RBM33: variants seen among roughly 807,000 people sequenced by gnomAD.
The protein encoded by RBM33 is RNA binding motif protein 33, also known as RNA-binding protein 33.
Under a neutral mutation model 132.6 loss-of-function variants are expected in RBM33, and 28 were observed. The ratio of observed to expected loss-of-function variants is 0.21; its 90% confidence interval spans 0.16 to 0.29. The LOEUF (loss-of-function observed/expected upper bound fraction) is 0.29, where lower values mean the gene tolerates loss of function less well. RBM33 is among the 10% of genes least tolerant of loss of function. The pLI, the probability that RBM33 is intolerant of heterozygous loss-of-function variation, is 1.00. For missense variants in RBM33, 1,291 were observed against 1,518.5 expected (o/e 0.85, Z 2.49); for synonymous variants, 634 against 593.0 (o/e 1.07, Z -1.01).
At chr7:155,690,837 G>A (rs986528771) in intron 5 of RBM33, among the ~76,000 whole-genome samples, 3 of 152,130 alleles carry the variant, frequency 2.0e-5, no homozygotes, top group South Asian at 2.1e-4. Flanking sequence ...TGAGATATCC[G>A]CTGTTAGTCT....
intron 2 of RBM33, 22 bp downstream of exon 2, chr7:155,665,275 C>T (rs1441551150): frequency 6.2e-7 from 1 of 1,603,778 alleles, no homozygotes; most frequent in East Asian, 2.2e-5. Flanking sequence ...CTGTGCTTCA[C>T]CTAACTGCCT....
intron 14 of RBM33, among the ~76,000 whole-genome samples, chr7:155,748,091 G>A (rs1801576024): frequency 6.6e-6 from 1 of 152,208 alleles, no homozygotes; most frequent in African/African-American, 2.4e-5. Context: ...AGCAGACCTT[G>A]GCTGACAGGA....
intron 16 of RBM33, among the ~76,000 whole-genome samples, chr7:155,773,796 A>G (rs1802517571): frequency 6.6e-6 from 1 of 152,110 alleles, no homozygotes; most frequent in Non-Finnish European, 1.5e-5. Context: ...GAAAGCAGAA[A>G]GCAGCTCCCC....
intron 2 of RBM33, among the ~76,000 whole-genome samples, chr7:155,670,615 C>T (rs1022409402): frequency 6.6e-6 from 1 of 152,194 alleles, no homozygotes; most frequent in African/African-American, 2.4e-5. Context: ...TCTGTTTTCA[C>T]ATTTTGAAAA....
At chr7:155,683,207 G>A (rs1449755081) in intron 5 of RBM33, among the ~76,000 whole-genome samples, 4 of 152,118 alleles carry the variant, frequency 2.6e-5, no homozygotes, top group Non-Finnish European at 4.4e-5. Flanking sequence ...TGAAATGGCC[G>A]CTTCCTTGGA....
At chr7:155,738,012 C>T in intron 10 of RBM33, 48 bp from the exon 11 acceptor site, 1 of 1,501,538 alleles carries the variant, frequency 6.7e-7, no homozygotes, top group Non-Finnish European at 9.2e-7. Context: ...TTCTGAGAAG[C>T]ACATGGTCTT....
At chr7:155,760,974 C>T (rs907865936) in intron 14 of RBM33, among the ~76,000 whole-genome samples, 4 of 152,206 alleles carry the variant, frequency 2.6e-5, no homozygotes, top group African/African-American at 9.7e-5. Context: ...TAAGATCGCA[C>T]GTTTCAGGCG....
intron 14 of RBM33, among the ~76,000 whole-genome samples, chr7:155,748,907 G>T (rs1429134235): frequency 6.6e-6 from 1 of 152,170 alleles, no homozygotes; most frequent in Non-Finnish European, 1.5e-5. Context: ...CTTGAAAAGT[G>T]ACTATGCAGA....
At chr7:155,662,755 A>G (rs1287962728) in intron 1 of RBM33, among the ~76,000 whole-genome samples, 1 of 152,060 alleles carries the variant, frequency 6.6e-6, no homozygotes, top group Admixed American at 6.5e-5. Context: ...GGAAGAAAGG[A>G]GCCCACATGT....
chr7:155,702,971 G>A (rs1030920905), intron 6 of RBM33, among the ~76,000 whole-genome samples: 23 of 152,182 alleles, frequency 1.5e-4, no homozygotes, highest in African/African-American at 5.3e-4. Flanking sequence ...TGGGCTGGCT[G>A]TGGATTTCAT....
chr7:155,692,051 CAAA>C (rs1363312755), intron 5 of RBM33, among the ~76,000 whole-genome samples: 3 of 108,584 alleles, frequency 2.8e-5, no homozygotes, highest in Admixed American at 9.6e-5. Context: ...ACCCTCTGTC[CAAA>C]AAAAAAAAAA....
rs879575856 is a variant in RBM33, at chr7:155,735,719, GTCTCTCTCTCTC to G, written c.1261-1800_1261-1789del. On this transcript the variant is annotated intron_variant, in intron 9 of 17. Coordinates refer to ENST00000401878, the MANE Select transcript of RBM33 (RefSeq NM_053043.3). ...TCTCTCTCTCTCTCTCTCTCTCTCT[GTCTCTCTCTCTC>G]TCTCTCTCTCCCTCTCTCAGGAAAA... Among the ~76,000 whole-genome samples the G allele has an allele frequency of 5.9e-4, 46 of 77,382 alleles. No individual in the cohort carries two copies. In the East Asian group the frequency reaches 0.019, roughly 32 times the overall value. 50.8% of individuals were successfully genotyped at this position (77,382 alleles called of 152,430 possible).
chr7:155,778,718 C>T lies in RBM33; in HGVS notation c.*3677C>T, dbSNP rs909757686. 1.3e-5 allele frequency: 2 copies of T among 152,258 alleles called. No individual in the cohort carries two copies. The highest frequency in any genetic ancestry group is 2.9e-5 in the Non-Finnish European group (2 of 68,110). 9.4% of individuals were successfully genotyped at this position (152,258 alleles called of 1,614,324 possible). ...TGTCCTGGGATGGGTTTGAAGAACT[C>T]ATCACTCATCACTTGTTTTCTTTTG... On this transcript the variant is annotated 3_prime_UTR_variant, in exon 18 of 18. Transcript: ENST00000401878. This position sits in a 1 kb window ranked among gnomAD's most constrained non-coding sequence, Gnocchi z 4.0.
intron 14 of RBM33, among the ~76,000 whole-genome samples, chr7:155,747,476 G>T (rs1801555052): frequency 6.6e-6 from 1 of 152,172 alleles, no homozygotes; most frequent in Non-Finnish European, 1.5e-5. Flanking sequence ...TGGCAGGCTG[G>T]GAAGTGAAGG....
Position 155,680,904 on chromosome 7 carries a change from T to C in RBM33, c.563T>C (p.Phe188Ser). ...GAGATCAATGAACCTTTAGATGAAT[T>C]TACAGTGAGTCTTTTCTCCTTTGTA... ...DIEINEPLDEFTGGMETLELQ... is the reference protein window; with the variant it reads ...DIEINEPLDESTGGMETLELQ... Residue 188 changes from phenylalanine to serine, a missense_variant, in exon 5 of 18, where the codon TTT (phenylalanine) becomes TCT (serine). Phe to Ser is a radical substitution (Grantham distance 155, BLOSUM62 -2). Coordinates refer to ENST00000401878, the MANE Select transcript of RBM33 (RefSeq NM_053043.3). The C allele has an allele frequency of 6.2e-7, 1 of 1,611,684 alleles. No individual in the cohort carries two copies. Among genetic ancestry groups the C allele is most frequent in the Non-Finnish European group, 8.5e-7 (1 of 1,178,430 alleles).
chr7:155,761,105 G>A (rs1802022163), intron 14 of RBM33, among the ~76,000 whole-genome samples: 1 of 152,208 alleles, frequency 6.6e-6, no homozygotes, highest in South Asian at 2.1e-4. Flanking sequence ...TGTGTAGTGT[G>A]TTCCCTTGGT....
intron 2 of RBM33, 120 bp from the exon 3 acceptor site, chr7:155,672,747 A>G (rs1468259183): frequency 2.3e-3 from 83 of 35,736 alleles, no homozygotes; most frequent in African/African-American, 7.0e-3. Context: ...TTTGTCTCAA[A>G]AAAAAAAAAA....
intron 1 of RBM33, among the ~76,000 whole-genome samples, chr7:155,655,616 GT>G (rs954335818): frequency 2.6e-4 from 37 of 142,656 alleles, no homozygotes; most frequent in African/African-American, 9.6e-4. Flanking sequence ...ATTCTCTGGT[GT>G]TTTAACATGA....
chr7:155,701,041 T>G, intron 6 of RBM33, 97 bp downstream of exon 6: 1 of 1,103,410 alleles, frequency 9.1e-7, no homozygotes, highest in Non-Finnish European at 1.4e-6. Context: ...GAAGGTTGAC[T>G]AGGTAATTGC....
Sources: allele counts gnomAD v4.1 joint callset (sites outside exome capture counted in the v4.1 genomes callset), GRCh38; gene constraint gnomAD v4.1.1; non-coding constraint Gnocchi (gnomAD v3.1); transcripts MANE v1.5; gene names NCBI Gene and HGNC (gene_info 2026-07-23, HGNC 2026-07-21).